The following SYF2 variants were observed in gnomAD, a reference collection of about 807,000 sequenced individuals.
The protein encoded by SYF2 is SYF2 pre-mRNA splicing factor.
In SYF2, 21 loss-of-function variants were observed where a neutral mutation model predicts 32.7. The observed-to-expected ratio is 0.64, with a 90% CI of 0.45 to 0.92. The LOEUF is 0.92. Ranked by LOEUF, SYF2 falls within the 40% of genes least tolerant of loss-of-function variation. SYF2 has a pLI of 0.00. For synonymous variants in SYF2, 114 were observed against 103.9 expected, an observed-to-expected ratio of 1.10 and a Z score of -0.59; for missense variants, 278 against 296.5, an observed-to-expected ratio of 0.94 and a Z score of 0.46.
At chr1:25,223,822 C>G (rs1638452756) in intron 6 of SYF2, among the ~76,000 whole-genome samples, 1 of 152,000 alleles carries the variant, frequency 6.6e-6, no homozygotes, top group Non-Finnish European at 1.5e-5. Context: ...AGACCAGGGC[C>G]TGGACAACAT....
intron 2 of SYF2, chr1:25,230,642 T>C (rs999282002): frequency 1.3e-5 from 2 of 151,908 alleles, no homozygotes; most frequent in African/African-American, 4.8e-5. Context: ...GTCAACAAAG[T>C]TGAGTCTGTT....
chr1:25,231,247 C>G (rs535837750), intron 2 of SYF2: 1 of 152,328 alleles, frequency 6.6e-6, no homozygotes, highest in Non-Finnish European at 1.5e-5. Flanking sequence ...TTTGTTTTGT[C>G]TCACTACAAC....
intron 5 of SYF2, among the ~76,000 whole-genome samples, chr1:25,225,694 C>T (rs1638496333): frequency 1.3e-5 from 2 of 150,396 alleles, no homozygotes; most frequent in Admixed American, 1.3e-4. Flanking sequence ...CCCATCTCTA[C>T]TAAAAATACA....
chr1:25,229,562 G>A (rs1394876346), intron 2 of SYF2, among the ~76,000 whole-genome samples: 1 of 151,964 alleles, frequency 6.6e-6, no homozygotes, highest in Non-Finnish European at 1.5e-5. Flanking sequence ...ATCACCTGAG[G>A]TCAGAAGTTC....
At chr1:25,228,428 A>T (rs1308576759) in intron 3 of SYF2, among the ~76,000 whole-genome samples, 193 bp from the exon 4 acceptor site, 3 of 152,128 alleles carry the variant, frequency 2.0e-5, no homozygotes, top group African/African-American at 7.2e-5. Context: ...TCCACCTCCC[A>T]GGTTCAAGGG....
Position 25,225,018 on chromosome 1 carries a change from T to C in SYF2, c.550A>G (p.Ile184Val), listed in dbSNP as rs147315301. The C allele has an allele frequency of 1.8e-4, 286 of 1,613,558 alleles. 1 individual carries two copies. In the African/African-American group the frequency reaches 3.4e-3, roughly 19 times the overall value. The change falls in exon 6 of 7, where the codon ATA becomes GTA. Residue 184 changes from isoleucine (I) to valine (V), a missense_variant. Coordinates refer to ENST00000236273, the MANE Select transcript of SYF2 (RefSeq NM_015484.5). ...AATACTTACTGTTTTTCCAGATCTA[T>C]GACCATCCTGTCAATTTCCTCTGTG... Reference protein sequence around the residue: ...PSTEEIDRMVIDLEKQIEKRD... With the variant: ...PSTEEIDRMVVDLEKQIEKRD...
chr1:25,228,478 G>A (rs1354449291), intron 3 of SYF2, among the ~76,000 whole-genome samples: 4 of 152,146 alleles, frequency 2.6e-5, no homozygotes, highest in Admixed American at 2.6e-4. Context: ...GGGACTACAG[G>A]CACATGCCAC....
At chr1:25,224,856 C>G in intron 6 of SYF2, 146 bp downstream of exon 6, 1 of 639,524 alleles carries the variant, frequency 1.6e-6, no homozygotes, top group East Asian at 2.8e-5. Context: ...CCCCAAGCCA[C>G]TATAGACAGG....
In SYF2 at chr1:25,232,431, G is replaced by C. The variant is rs1331476964; in HGVS notation, c.24+13C>G. 6.2e-7 allele frequency: 1 copy of C among 1,614,100 alleles called. No homozygotes were observed. Among genetic ancestry groups the C allele is most frequent in the Admixed American group, 1.7e-5 (1 of 60,000 alleles). On this transcript the variant is annotated intron_variant, in intron 1 of 6. Transcript: ENST00000236273. The stretch of plus-strand genomic sequence containing the variant: ...ACCAACAAAACCCCCGGTGTACGGT[G>C]GGTGGAACTCACCTCGGATGCAGCT...
intron 2 of SYF2, 100 bp from the exon 3 acceptor site, chr1:25,229,223 G>A (rs960289496): frequency 1.4e-6 from 2 of 1,385,444 alleles, no homozygotes; most frequent in Non-Finnish European, 2.0e-6. Context: ...ATATTAATAA[G>A]CTGACCCCAT....
intron 2 of SYF2, 70 bp downstream of exon 2, chr1:25,232,034 T>C: frequency 1.4e-6 from 2 of 1,477,150 alleles, no homozygotes; most frequent in Middle Eastern, 1.7e-4. Context: ...TGTGGCTTCC[T>C]CGTCCCCTCT....
Position 25,223,170 on chromosome 1 carries a change from A to G in SYF2, c.*96T>C, listed in dbSNP as rs1278003454. The G allele has an allele frequency of 1.9e-5, 24 of 1,269,790 alleles. No homozygotes were observed. The highest frequency in any genetic ancestry group is 2.5e-5 in the Non-Finnish European group (23 of 919,832). The allele number at this position is 1,269,790 out of a possible 1,614,324, so 78.7% of individuals were successfully genotyped here. A position where few individuals can be genotyped will look rare whatever the true frequency, so the allele number is the denominator to read the frequency against. On this transcript the variant is annotated 3_prime_UTR_variant, in exon 7 of 7. Transcript: ENST00000236273. ...TGAGTGAGAAGGCATGGACTACTAA[A>G]TTCTGGATTACTGATAAAATTTCAA...
intron 2 of SYF2, chr1:25,231,548 C>A: frequency 6.3e-6 from 1 of 159,722 alleles, no homozygotes. Flanking sequence ...CTCTGCACCT[C>A]CAGGGCACTT....
chr1:25,227,021 G>A (rs1279035345), intron 5 of SYF2, among the ~76,000 whole-genome samples: 2 of 151,056 alleles, frequency 1.3e-5, no homozygotes, highest in African/African-American at 2.4e-5. Flanking sequence ...AGTAGCTCAC[G>A]CCTGTAATCC....
At position 25,229,090 on chromosome 1, in the gene SYF2, C is replaced by CA; in HGVS notation, c.165dup (p.Val56CysfsTer5). 6.2e-7 allele frequency: 1 copy of CA among 1,613,850 alleles called. No homozygotes were observed. Among genetic ancestry groups the CA allele is most frequent in the Non-Finnish European group, 8.5e-7 (1 of 1,179,948 alleles). On this transcript the variant is annotated frameshift_variant, in exon 3 of 7. Coordinates refer to ENST00000236273, the MANE Select transcript of SYF2 (RefSeq NM_015484.5). LOFTEE classifies it high-confidence loss of function. ...AATTTTAGTCTTTTATCTTCTTCCA[C>CA]AACTTCCTGGTGATTTAATTTACGA...
At chr1:25,232,270 A>C (rs1638648616) in intron 1 of SYF2, 59 bp from the exon 2 acceptor site, 1 of 1,569,060 alleles carries the variant, frequency 6.4e-7, no homozygotes, top group Non-Finnish European at 8.7e-7. Flanking sequence ...AGGACTGCCC[A>C]GGCCGAGTCC....
chr1:25,223,520 TA>T, intron 6 of SYF2, 89 bp from the exon 7 acceptor site: 1 of 1,342,926 alleles, frequency 7.4e-7, no homozygotes, highest in Non-Finnish European at 1.0e-6. Context: ...TAATCACGTT[TA>T]GAATAGCACA....
chr1:25,226,838 A>C (rs1011563780), intron 5 of SYF2, among the ~76,000 whole-genome samples: 4 of 152,134 alleles, frequency 2.6e-5, no homozygotes, highest in African/African-American at 9.7e-5. Flanking sequence ...TTAATTAGCC[A>C]GGAATCGTGG....
intron 1 of SYF2, 74 bp from the exon 2 acceptor site, chr1:25,232,285 C>G: frequency 6.3e-7 from 1 of 1,581,218 alleles, no homozygotes; most frequent in Non-Finnish European, 8.6e-7. Flanking sequence ...GAGTCCCCGC[C>G]GGTCCCCACA....
Sources: allele counts gnomAD v4.1 joint callset (sites outside exome capture counted in the v4.1 genomes callset), GRCh38; gene constraint gnomAD v4.1.1; transcripts MANE v1.5; gene names NCBI Gene and HGNC (gene_info 2026-07-23, HGNC 2026-07-21).